TOB2: variants seen among roughly 807,000 people sequenced by gnomAD.
TOB2 encodes protein Tob2.
Under a neutral mutation model 17.3 loss-of-function variants are expected in TOB2, and 3 were observed. The observed-to-expected ratio is 0.17, with a 90% CI of 0.08 to 0.45. The LOEUF (loss-of-function observed/expected upper bound fraction) is 0.45. Among genes scored for constraint, TOB2 ranks in the 20% least tolerant of loss-of-function variants. The probability of loss-of-function intolerance (pLI) is 0.99; values close to 1 mark genes in which losing one functional copy is unlikely to be tolerated. For synonymous variants in TOB2, 163 were observed against 185.6 expected (o/e 0.88, Z 0.99); for missense variants, 407 against 445.7 (o/e 0.91, Z 0.78).
At position 41,433,810 on chromosome 22, in the gene TOB2, G is replaced by C. The variant is rs2037513226; in HGVS notation, c.*2501C>G. 2.9e-5 allele frequency: 14 copies of C among 481,432 alleles called. No homozygotes were observed. Among genetic ancestry groups the C allele is most frequent in the Middle Eastern group, 3.4e-4 (1 of 2,974 alleles). 29.8% of individuals were successfully genotyped at this position (481,432 alleles called of 1,614,324 possible). On this transcript the variant is annotated 3_prime_UTR_variant, in exon 2 of 2. Transcript: ENST00000327492. ...AAAAACACATCATTCTGGACTAACA[G>C]TTTCCATTCTTCAGAAGATAATCCA...
chr22:41,441,434 G>C (rs2037619900), intron 1 of TOB2, among the ~76,000 whole-genome samples: 1 of 152,060 alleles, frequency 6.6e-6, no homozygotes, highest in Non-Finnish European at 1.5e-5. Context: ...CAGGAACAGA[G>C]GTCTGAAGGG....
At position 41,436,441 on chromosome 22, in the gene TOB2, G is replaced by A; in HGVS notation, c.905C>T (p.Ala302Val). The A allele has an allele frequency of 6.2e-7, 1 of 1,614,194 alleles. No individual in the cohort carries two copies. Among genetic ancestry groups the A allele is most frequent in the Non-Finnish European group, 8.5e-7 (1 of 1,180,028 alleles). ...GTCNSSSFDM[A>V]QVFGGGANSL... Reference sequence around the variant, plus strand: ...GTTGGCACCACCTCCAAATACCTGGGCCATGTCAAAGCTGCTGCTGTTGCA... The same window carrying A: ...GTTGGCACCACCTCCAAATACCTGGACCATGTCAAAGCTGCTGCTGTTGCA... The change falls in exon 2 of 2, where the codon GCC becomes GTC. Residue 302 changes from alanine (A) to valine (V), a missense_variant. Ala to Val is a moderately conservative substitution (Grantham distance 64). Transcript: ENST00000327492. This position sits in a 1 kb window ranked among gnomAD's most constrained non-coding sequence, Gnocchi z 4.8.
intron 1 of TOB2, among the ~76,000 whole-genome samples, chr22:41,439,700 G>C (rs2037592907): frequency 6.6e-6 from 1 of 152,066 alleles, no homozygotes; most frequent in Admixed American, 6.6e-5. Flanking sequence ...ATTTTTAGTG[G>C]AGATGGGGTT....
intron 1 of TOB2, among the ~76,000 whole-genome samples, chr22:41,441,803 C>A (rs1214693969): frequency 2.6e-5 from 4 of 151,536 alleles, no homozygotes; most frequent in African/African-American, 9.7e-5. Context: ...CTCAGCTACT[C>A]AGGAGGCTGA....
intron 1 of TOB2, among the ~76,000 whole-genome samples, chr22:41,443,096 C>T (rs772192649): frequency 1.3e-4 from 20 of 152,188 alleles, no homozygotes; most frequent in Non-Finnish European, 2.5e-4. Context: ...TTACTTCCAG[C>T]AGCAAAGTTA....
Position 41,433,878 on chromosome 22 carries a change from G to C in TOB2, c.*2433C>G, listed in dbSNP as rs887349242. On this transcript the variant is annotated 3_prime_UTR_variant, in exon 2 of 2. Transcript: ENST00000327492. ...GGGAAAGAGGGATAGATAGAGGATGGGGAAAGGGGAGAAAAGGTTTTATTT... is the reference window on the plus strand; with the variant it reads ...GGGAAAGAGGGATAGATAGAGGATGCGGAAAGGGGAGAAAAGGTTTTATTT... The C allele has an allele frequency of 3.2e-6, 1 of 308,160 alleles. No individual in the cohort carries two copies. The highest frequency in any genetic ancestry group is 2.2e-5 in the African/African-American group (1 of 44,922). The allele number at this position is 308,160 out of a possible 1,614,324, so 19.1% of individuals were successfully genotyped here.
At chr22:41,440,397 A>G (rs2037602984) in intron 1 of TOB2, among the ~76,000 whole-genome samples, 1 of 151,490 alleles carries the variant, frequency 6.6e-6, no homozygotes, top group Admixed American at 6.6e-5. Context: ...GATTACAGGC[A>G]TGAGCCACCG....
intron 1 of TOB2, among the ~76,000 whole-genome samples, chr22:41,442,586 C>A (rs955654740): frequency 6.6e-6 from 1 of 152,154 alleles, no homozygotes; most frequent in Non-Finnish European, 1.5e-5. Flanking sequence ...AGAGAACAGG[C>A]TGGACCAGAT....
Position 41,436,806 on chromosome 22 carries a change from G to A in TOB2, c.540C>T (p.Ser180=). ...TGGAGCCAAATTTGGTGGCAGCGAA[G>A]GAGGCGGTGGTGAAGGTGATGGGCT... ...SAQPITFTTA[S]FAATKFGSTK... Residue 180 remains serine, a synonymous_variant, in exon 2 of 2, where the codon TCC becomes TCT. Transcript: ENST00000327492. This position sits in a 1 kb window ranked among gnomAD's most constrained non-coding sequence, Gnocchi z 4.8. The A allele has an allele frequency of 6.2e-7, 1 of 1,614,084 alleles. No individual in the cohort carries two copies. Among genetic ancestry groups the A allele is most frequent in the Non-Finnish European group, 8.5e-7 (1 of 1,179,966 alleles).
intron 1 of TOB2, among the ~76,000 whole-genome samples, chr22:41,440,123 T>C (rs112993663): frequency 9.3e-5 from 1 of 10,756 alleles, no homozygotes; most frequent in African/African-American, 3.0e-4. Context: ...TCTTTCTTTT[T>C]TTTTTTTTTT....
At chr22:41,441,808 G>A (rs1276114061) in intron 1 of TOB2, among the ~76,000 whole-genome samples, 10 of 151,928 alleles carry the variant, frequency 6.6e-5, no homozygotes, top group African/African-American at 9.7e-5. Flanking sequence ...CTACTCAGGA[G>A]GCTGAGGCAG....
rs146953759 is a variant in TOB2, at chr22:41,443,483, C to T, written c.-63+2896G>A. On this transcript the variant is annotated intron_variant, in intron 1 of 1. Transcript: ENST00000327492. ...TATAGGCACGCGGGACCACGCCCGG[C>T]TAATTTTTGTATTTTTAGTAGAGAC... Among the ~76,000 whole-genome samples the T allele has an allele frequency of 3.6e-3, 541 of 151,818 alleles. 1 individual carries two copies. Among genetic ancestry groups the T allele is most frequent in the South Asian group, 0.013 (64 of 4,796 alleles).
At chr22:41,445,206 C>A (rs1336298353) in intron 1 of TOB2, among the ~76,000 whole-genome samples, 1 of 152,204 alleles carries the variant, frequency 6.6e-6, no homozygotes, top group East Asian at 1.9e-4. Flanking sequence ...AAGAAAAAAA[C>A]TGTACACCTG....
At position 41,436,926 on chromosome 22, in the gene TOB2, G is replaced by A. The variant is rs199709733; in HGVS notation, c.420C>T (p.Phe140=). Reference sequence around the variant, plus strand: ...AGCTGTCCTGGCTGCCAATGGGCACGAACACCTGGGCGTCAGGGTTGAAGC... The same window carrying A: ...AGCTGTCCTGGCTGCCAATGGGCACAAACACCTGGGCGTCAGGGTTGAAGC... ...KSSFNPDAQV[F]VPIGSQDSSL... The change falls in exon 2 of 2, where the codon TTC becomes TTT. Residue 140 remains phenylalanine, a synonymous_variant. Transcript: ENST00000327492. This position sits in a 1 kb window ranked among gnomAD's most constrained non-coding sequence, Gnocchi z 4.8. 449 of 1,614,150 alleles carry A rather than the reference G, an allele frequency of 2.8e-4. 3 individuals carry two copies. The highest frequency in any genetic ancestry group is 6.3e-5 in the Non-Finnish European group (74 of 1,180,034).
Position 41,437,134 on chromosome 22 carries a change from G to A in TOB2, c.212C>T (p.Ala71Val). 6.2e-7 allele frequency: 1 copy of A among 1,614,130 alleles called. No homozygotes were observed. The highest frequency in any genetic ancestry group is 8.5e-7 in the Non-Finnish European group (1 of 1,180,016). Residue 71 changes from alanine to valine, a missense_variant, in exon 2 of 2, where the codon GCC becomes GTC. Physicochemically the swap from Ala to Val is moderately conservative, Grantham distance 64. Coordinates refer to ENST00000327492, the MANE Select transcript of TOB2 (RefSeq NM_016272.4). The stretch of plus-strand genomic sequence containing the variant: ...CACCGCCAGGCCACTCCGCTTGGCG[G>A]CCAGCTCCACCACGGGGTCCACCAT... ...GEMVDPVVELAAKRSGLAVED... is the reference protein window; with the variant it reads ...GEMVDPVVELVAKRSGLAVED...
chr22:41,444,133 C>T (rs1409967753), intron 1 of TOB2, among the ~76,000 whole-genome samples: 2 of 152,192 alleles, frequency 1.3e-5, no homozygotes, highest in African/African-American at 4.8e-5. Flanking sequence ...GAGTGCCCTG[C>T]CGCTGTCCGG....
chr22:41,438,427 G>A lies in TOB2; in HGVS notation c.-62-1020C>T, dbSNP rs5751102. Among the ~76,000 whole-genome samples, 400 of 151,780 alleles carry A rather than the reference G, an allele frequency of 2.6e-3. 14 individuals carry two copies. The East Asian group carries it at 0.059, about 22-fold the overall frequency. On this transcript the variant is annotated intron_variant, in intron 1 of 1. Coordinates refer to ENST00000327492, the MANE Select transcript of TOB2 (RefSeq NM_016272.4). Reference sequence around the variant, plus strand: ...GTGGATCACCTGAGGTCGGGAGTTCGAGACCAGCCTGACCAACATGGAGAA... The same window carrying A: ...GTGGATCACCTGAGGTCGGGAGTTCAAGACCAGCCTGACCAACATGGAGAA...
In TOB2 at chr22:41,434,222, A is replaced by G. The variant is rs2037520244; in HGVS notation, c.*2089T>C. 1 of 154,928 alleles carries G rather than the reference A, an allele frequency of 6.5e-6. No homozygotes were observed. Among genetic ancestry groups the G allele is most frequent in the Admixed American group, 6.5e-5 (1 of 15,398 alleles). The allele number at this position is 154,928 out of a possible 1,614,324, so 9.6% of individuals were successfully genotyped here. On this transcript the variant is annotated 3_prime_UTR_variant, in exon 2 of 2. Coordinates refer to ENST00000327492, the MANE Select transcript of TOB2 (RefSeq NM_016272.4). ...CAGACTGAACTGGGCCCAAGAGCGC[A>G]GCACTGGAGTCATGCTCCTGAACAC...
Position 41,436,221 on chromosome 22 carries a change from T to C in TOB2, c.*90A>G. 1.4e-6 allele frequency: 2 copies of C among 1,436,064 alleles called. No homozygotes were observed. The highest frequency in any genetic ancestry group is 2.4e-5 in the East Asian group (1 of 42,228). 89.0% of individuals were successfully genotyped at this position (1,436,064 alleles called of 1,614,324 possible). A position where few individuals can be genotyped will look rare whatever the true frequency, so the allele number is the denominator to read the frequency against. ...AAGAGTGAGAAGATCGAAAATCTTT[T>C]TGTACATTTTTCTTTTCCTCTTTTT... is the stretch of plus-strand genomic sequence containing the variant. On this transcript the variant is annotated 3_prime_UTR_variant, in exon 2 of 2. Coordinates refer to ENST00000327492, the MANE Select transcript of TOB2 (RefSeq NM_016272.4). This position sits in a 1 kb window ranked among gnomAD's most constrained non-coding sequence, Gnocchi z 4.8.
Sources: allele counts gnomAD v4.1 joint callset (sites outside exome capture counted in the v4.1 genomes callset), GRCh38; gene constraint gnomAD v4.1.1; non-coding constraint Gnocchi (gnomAD v3.1); transcripts MANE v1.5; gene names NCBI Gene and HGNC (gene_info 2026-07-23, HGNC 2026-07-21).